Variants in CSMD3 observed in about 807,000 individuals in gnomAD.
The protein encoded by CSMD3 is CUB and Sushi multiple domains 3.
A neutral mutation model predicts 435.2 loss-of-function variants in CSMD3; 177 were observed. The observed-to-expected ratio is 0.41, with a 90% CI of 0.36 to 0.46. The LOEUF is 0.46. Ranked by LOEUF, CSMD3 falls within the 20% of genes least tolerant of loss-of-function variation. The pLI, the probability that CSMD3 is intolerant of heterozygous loss-of-function variation, is 0.34. For missense variants in CSMD3, 4,265 were observed against 4,504.6 expected (o/e 0.95, Z 1.52); for synonymous variants, 1,656 against 1,520.5 (o/e 1.09, Z -2.07).
At chr8:112,576,672 A>T (rs2131313862) in intron 23 of CSMD3, among the ~76,000 whole-genome samples, 1 of 151,818 alleles carries the variant, frequency 6.6e-6, no homozygotes, top group East Asian at 2.0e-4. Context: ...CTTGCACTAC[A>T]GGCACACCCC....
intron 24 of CSMD3, among the ~76,000 whole-genome samples, chr8:112,559,448 A>G (rs989187868): frequency 3.3e-5 from 5 of 151,862 alleles, no homozygotes; most frequent in Admixed American, 2.0e-4. Flanking sequence ...TCCTTTGTCT[A>G]TGAAGCCCCT....
chr8:112,635,219 C>G (rs899553536), intron 22 of CSMD3, among the ~76,000 whole-genome samples: 2 of 151,896 alleles, frequency 1.3e-5, no homozygotes, highest in Admixed American at 1.3e-4. Flanking sequence ...AGGGATTGTG[C>G]CAGGTGTCTG....
At chr8:112,749,283 T>A (rs1024492495) in intron 13 of CSMD3, among the ~76,000 whole-genome samples, 5 of 152,184 alleles carry the variant, frequency 3.3e-5, no homozygotes, top group Non-Finnish European at 7.4e-5. Context: ...TCTCCCATTC[T>A]GCAGGTTATC....
At position 112,506,739 on chromosome 8, in the gene CSMD3, C is replaced by CA; in HGVS notation, c.4846dup (p.Trp1616LeufsTer19). On this transcript the variant is annotated frameshift_variant, in exon 29 of 71. Transcript: ENST00000297405. LOFTEE classifies it high-confidence loss of function. ...ATAGTCTGCATTGACGGTGATAGTCCAGTCACAGTCTCTGCTATGCGGATA... is the reference window on the plus strand; with the variant it reads ...ATAGTCTGCATTGACGGTGATAGTCCAAGTCACAGTCTCTGCTATGCGGATA... The CA allele has an allele frequency of 6.2e-7, 1 of 1,613,462 alleles. No homozygotes were observed. The highest frequency in any genetic ancestry group is 8.5e-7 in the Non-Finnish European group (1 of 1,179,536).
At chr8:112,891,592 T>G (rs16884194) in intron 10 of CSMD3, among the ~76,000 whole-genome samples, 6,178 of 151,548 alleles carry the variant, frequency 0.041, 354 homozygotes, top group East Asian at 0.27. Flanking sequence ...TTAGCATGGT[T>G]CTGCCCTCTT....
chr8:113,353,513 C>A (rs2094202964), intron 1 of CSMD3, among the ~76,000 whole-genome samples: 1 of 152,136 alleles, frequency 6.6e-6, no homozygotes, highest in African/African-American at 2.4e-5. Context: ...GCCTCACATT[C>A]TTTTACTATG....
At position 112,536,497 on chromosome 8, in the gene CSMD3, G is replaced by T. The variant is rs1362917041; in HGVS notation, c.4564+14174C>A. Among the ~76,000 whole-genome samples, 3 of 152,098 alleles carry T rather than the reference G, an allele frequency of 2.0e-5. No homozygotes were observed. The East Asian group carries it at 5.8e-4, about 29-fold the overall frequency. On this transcript the variant is annotated intron_variant, in intron 27 of 70. Transcript: ENST00000297405. The stretch of plus-strand genomic sequence containing the variant: ...ATACCATCTCACACCAGTTAGAATG[G>T]CAATCATTAAAAAGTCAGGAAACAA...
intron 59 of CSMD3, among the ~76,000 whole-genome samples, chr8:112,268,685 A>G (rs879654817): frequency 6.6e-6 from 1 of 152,194 alleles, no homozygotes; most frequent in Admixed American, 6.5e-5. Flanking sequence ...TCTGTTACAG[A>G]CAATGCAGCA....
At chr8:112,341,071 T>C (rs867408186) in intron 42 of CSMD3, among the ~76,000 whole-genome samples, 2 of 152,250 alleles carry the variant, frequency 1.3e-5, no homozygotes, top group South Asian at 4.1e-4. Flanking sequence ...ATTAGTCTTA[T>C]CACTATAAAG....
intron 59 of CSMD3, 32 bp from the exon 60 acceptor site, chr8:112,265,622 T>A (rs2130417785): frequency 2.7e-6 from 4 of 1,491,016 alleles, no homozygotes; most frequent in Non-Finnish European, 3.7e-6. Flanking sequence ...AGCAGATGGT[T>A]AATGAGGCAT....
intron 1 of CSMD3, among the ~76,000 whole-genome samples, chr8:113,360,273 T>C (rs962851257): frequency 6.6e-6 from 1 of 152,122 alleles, no homozygotes; most frequent in Non-Finnish European, 1.5e-5. Context: ...TATACCCTAC[T>C]TCAGCCCTCT....
At chr8:112,993,170 T>C (rs879480201) in intron 6 of CSMD3, among the ~76,000 whole-genome samples, 11 of 151,740 alleles carry the variant, frequency 7.2e-5, no homozygotes, top group Non-Finnish European at 1.6e-4. Flanking sequence ...GAAACCAATG[T>C]TCCAAATAAA....
At chr8:112,591,575 CTT>C (rs901844388) in intron 22 of CSMD3, among the ~76,000 whole-genome samples, 60 of 152,112 alleles carry the variant, frequency 3.9e-4, no homozygotes, top group African/African-American at 1.3e-3. Flanking sequence ...ACAACTGAGT[CTT>C]TTTATTTTTA....
chr8:112,532,467 A>C (rs1413186966), intron 27 of CSMD3, among the ~76,000 whole-genome samples: 1 of 152,114 alleles, frequency 6.6e-6, no homozygotes, highest in East Asian at 1.9e-4. Context: ...CAAACAGCAA[A>C]AGCAAAGCAA....
chr8:112,753,893 TG>T (rs908665569), intron 13 of CSMD3, among the ~76,000 whole-genome samples: 34 of 152,238 alleles, frequency 2.2e-4, no homozygotes, highest in African/African-American at 8.0e-4. Context: ...TGAATCATTT[TG>T]TTTTTGTGGT....
intron 13 of CSMD3, among the ~76,000 whole-genome samples, chr8:112,794,761 A>G (rs547862786): frequency 6.6e-6 from 1 of 152,284 alleles, no homozygotes; most frequent in Non-Finnish European, 1.5e-5. Context: ...TCAAAGAGAG[A>G]AAGAGAAAAA....
At chr8:112,691,065 C>A (rs1034845432) in intron 13 of CSMD3, among the ~76,000 whole-genome samples, 1 of 151,888 alleles carries the variant, frequency 6.6e-6, no homozygotes, top group African/African-American at 2.4e-5. Context: ...ATTATAGAAA[C>A]CTAAAAATTA....
chr8:112,689,693 T>C (rs2076090213), intron 14 of CSMD3, among the ~76,000 whole-genome samples, 175 bp downstream of exon 14: 1 of 152,076 alleles, frequency 6.6e-6, no homozygotes, highest in Non-Finnish European at 1.5e-5. Flanking sequence ...TTTATTTAAA[T>C]CTGTAATAAA....
chr8:112,966,078 C>A (rs1414393333), intron 7 of CSMD3, among the ~76,000 whole-genome samples: 2 of 151,610 alleles, frequency 1.3e-5, no homozygotes, highest in African/African-American at 4.8e-5. Context: ...ATAAAGCATA[C>A]AATGATCAAT....
Sources: allele counts gnomAD v4.1 joint callset (sites outside exome capture counted in the v4.1 genomes callset), GRCh38; gene constraint gnomAD v4.1.1; transcripts MANE v1.5; gene names NCBI Gene and HGNC (gene_info 2026-07-23, HGNC 2026-07-21).